TNIK: variants seen among roughly 807,000 people sequenced by gnomAD.
The protein encoded by TNIK is TRAF2 and NCK-interacting protein kinase.
TNIK carries 49 observed loss-of-function variants against 191.3 expected under a neutral mutation model. That is an observed-to-expected ratio of 0.26 (90% CI 0.20 to 0.32). The LOEUF is 0.32. TNIK is among the 10% of genes least tolerant of loss of function. The probability of loss-of-function intolerance (pLI) is 1.00; values close to 1 mark genes in which losing one functional copy is unlikely to be tolerated. For synonymous variants in TNIK, 594 were observed against 600.9 expected, an observed-to-expected ratio of 0.99 and a Z score of 0.17; for missense variants, 1,155 against 1,702.3, an observed-to-expected ratio of 0.68 and a Z score of 5.66.
intron 28 of TNIK, among the ~76,000 whole-genome samples, chr3:171,075,852 T>C (rs1183750958): frequency 6.6e-6 from 1 of 151,968 alleles, no homozygotes; most frequent in African/African-American, 2.4e-5. Flanking sequence ...TTCTCCTGCC[T>C]CAGCCTCCCG....
chr3:171,084,128 A>G (rs1463871368), intron 26 of TNIK, 27 bp downstream of exon 26: 2 of 1,453,650 alleles, frequency 1.4e-6, no homozygotes, highest in Non-Finnish European at 1.8e-6. Flanking sequence ...TTATTTAAAA[A>G]AAAAAAAAAA....
chr3:171,190,713 AT>A lies in TNIK; in HGVS notation c.491del (p.Asn164MetfsTer6). 6.3e-7 allele frequency: 1 copy of A among 1,591,950 alleles called. No individual in the cohort carries two copies. On this transcript the variant is annotated frameshift_variant, in exon 6 of 33. Transcript: ENST00000436636. LOFTEE classifies it high-confidence loss of function. ...IKGQNVLLTENAEVKLVDFGV... is the reference protein window; with the variant it reads ...IKGQNVLLTEXAEVKLVDFGV... ...TGCTCTTACCTAGTTTAACTTCTGC[AT>A]TTTCAGTCAGCAAGACATTTTGCCC... is the stretch of plus-strand genomic sequence containing the variant.
intron 23 of TNIK, 68 bp from the exon 24 acceptor site, chr3:171,087,574 T>C: frequency 1.3e-6 from 2 of 1,565,732 alleles, no homozygotes; most frequent in Non-Finnish European, 8.7e-7. Context: ...ACATCAGCCC[T>C]CACACAGCAT....
At chr3:171,278,813 T>C (rs1750089979) in intron 2 of TNIK, among the ~76,000 whole-genome samples, 1 of 152,190 alleles carries the variant, frequency 6.6e-6, no homozygotes, top group African/African-American at 2.4e-5. Context: ...AACTTATGCT[T>C]GTGACAAAAA....
intron 2 of TNIK, among the ~76,000 whole-genome samples, chr3:171,269,645 T>C (rs894946993): frequency 1.3e-5 from 2 of 152,216 alleles, no homozygotes; most frequent in African/African-American, 4.8e-5. Context: ...TTCTTTCTTA[T>C]TATGAAATAG....
At chr3:171,196,929 G>A (rs1738757179) in intron 4 of TNIK, among the ~76,000 whole-genome samples, 1 of 148,196 alleles carries the variant, frequency 6.7e-6, no homozygotes, top group Non-Finnish European at 1.5e-5. Context: ...TAATTTTTTT[G>A]TATTTTTAGT....
chr3:171,082,275 G>T lies in TNIK; in HGVS notation c.3289C>A (p.Leu1097Met). The T allele has an allele frequency of 6.2e-7, 1 of 1,613,518 alleles. No homozygotes were observed. The highest frequency in any genetic ancestry group is 8.5e-7 in the Non-Finnish European group (1 of 1,179,728). Residue 1097 changes from leucine (L) to methionine (M), a missense_variant, in exon 27 of 33, where the codon CTG becomes ATG. This residue lies in a region of TNIK where 195 missense variants were observed against 415.4 expected (regional missense o/e 0.47). Coordinates refer to ENST00000436636, the MANE Select transcript of TNIK (RefSeq NM_015028.4). ...CCTGAAATTGTCACAAGGACATTCA[G>T]TCCCTCTAGCACATCCATCTGCTGA... ...RFQQMDVLEG[L>M]NVLVTISGKK...
intron 2 of TNIK, among the ~76,000 whole-genome samples, chr3:171,301,004 C>G (rs545596310): frequency 6.6e-6 from 1 of 152,024 alleles, no homozygotes; most frequent in African/African-American, 2.4e-5. Context: ...AGGTTTGGAT[C>G]GGGAGAGTCA....
At chr3:171,247,727 A>C (rs1007177554) in intron 2 of TNIK, among the ~76,000 whole-genome samples, 1 of 152,174 alleles carries the variant, frequency 6.6e-6, no homozygotes, top group Admixed American at 6.5e-5. Context: ...AGGAAGGAGG[A>C]TGTGATGAGT....
At chr3:171,439,351 A>G (rs935812350) in intron 1 of TNIK, among the ~76,000 whole-genome samples, 1 of 151,812 alleles carries the variant, frequency 6.6e-6, no homozygotes, top group African/African-American at 2.4e-5. Flanking sequence ...CTCAAAAAAA[A>G]AAAAAGAAAA....
At chr3:171,318,024 AG>A (rs1466931639) in intron 2 of TNIK, among the ~76,000 whole-genome samples, 1 of 152,150 alleles carries the variant, frequency 6.6e-6, no homozygotes, top group Non-Finnish European at 1.5e-5. Context: ...CTTAAAGCTC[AG>A]GGGGCTCAAA....
At chr3:171,195,695 G>A (rs1738596985) in intron 4 of TNIK, among the ~76,000 whole-genome samples, 1 of 152,076 alleles carries the variant, frequency 6.6e-6, no homozygotes, top group African/African-American at 2.4e-5. Context: ...CATTTCATGA[G>A]TGAGTTTCCA....
intron 2 of TNIK, among the ~76,000 whole-genome samples, chr3:171,314,838 C>CA (rs1754429935): frequency 6.6e-6 from 1 of 152,092 alleles, no homozygotes; most frequent in South Asian, 2.1e-4. Flanking sequence ...GAAGGGAGGT[C>CA]AGGCCGCACC....
At chr3:171,386,181 A>G (rs753312930) in intron 1 of TNIK, among the ~76,000 whole-genome samples, 6 of 152,214 alleles carry the variant, frequency 3.9e-5, no homozygotes, top group Non-Finnish European at 5.9e-5. Flanking sequence ...GAAAATATTT[A>G]TAAGTTGTTG....
At chr3:171,106,559 T>C (rs1002375631) in intron 21 of TNIK, 7 of 426,438 alleles carry the variant, frequency 1.6e-5, no homozygotes, top group African/African-American at 1.4e-4. Context: ...GCTGTATTCA[T>C]GCAGGTCTGA....
chr3:171,336,884 T>C (rs1373065625), intron 2 of TNIK, among the ~76,000 whole-genome samples: 1 of 152,164 alleles, frequency 6.6e-6, no homozygotes, highest in Admixed American at 6.6e-5. Context: ...TTCCTTTTTG[T>C]TCATTTTAAC....
At chr3:171,422,494 T>A (rs922336268) in intron 1 of TNIK, among the ~76,000 whole-genome samples, 9 of 152,170 alleles carry the variant, frequency 5.9e-5, no homozygotes, top group Non-Finnish European at 1.3e-4. Context: ...TTTAACTCAA[T>A]TTATTAATTT....
chr3:171,334,013 C>T (rs1756696439), intron 2 of TNIK, among the ~76,000 whole-genome samples: 1 of 152,192 alleles, frequency 6.6e-6, no homozygotes, highest in Admixed American at 6.5e-5. Context: ...CCAGCTCTCC[C>T]ACCACTGTTA....
chr3:171,335,983 T>A (rs922987899), intron 2 of TNIK, among the ~76,000 whole-genome samples: 3 of 152,174 alleles, frequency 2.0e-5, no homozygotes, highest in Non-Finnish European at 2.9e-5. Flanking sequence ...GCGTAGTGTA[T>A]CTCGTTGCAA....
Sources: allele counts gnomAD v4.1 joint callset (sites outside exome capture counted in the v4.1 genomes callset), GRCh38; gene constraint gnomAD v4.1.1; regional missense constraint gnomAD v4.1.1; transcripts MANE v1.5; gene names NCBI Gene and HGNC (gene_info 2026-07-23, HGNC 2026-07-21).